COQ10B: variants seen among roughly 807,000 people sequenced by gnomAD.
COQ10B encodes the protein coenzyme Q-binding protein COQ10 homolog B, mitochondrial.
A neutral mutation model predicts 27.6 loss-of-function variants in COQ10B; 12 were observed. The ratio of observed to expected loss-of-function variants is 0.43; its 90% confidence interval spans 0.28 to 0.70. The LOEUF (loss-of-function observed/expected upper bound fraction) is 0.70. Ranked by LOEUF, COQ10B falls within the 30% of genes least tolerant of loss-of-function variation. The pLI is 0.17. For synonymous variants in COQ10B, 115 were observed against 103.0 expected, an observed-to-expected ratio of 1.12 and a Z score of -0.71; for missense variants, 278 against 288.7, an observed-to-expected ratio of 0.96 and a Z score of 0.27.
In COQ10B at chr2:197,473,488, G is replaced by GTATATACGTATA. The variant is rs1331412432; in HGVS notation, c.550-249_550-238dup. 2.8e-5 allele frequency among the ~76,000 whole-genome samples: 3 copies of GTATATACGTATA among 107,420 alleles called. No individual in the cohort carries two copies. In the Admixed American group the frequency reaches 3.5e-4, roughly 13 times the overall value. 70.5% of individuals were successfully genotyped at this position (107,420 alleles called of 152,430 possible). A position where few individuals can be genotyped will look rare whatever the true frequency, so the allele number is the denominator to read the frequency against. On this transcript the variant is annotated intron_variant, in intron 4 of 4. Transcript: ENST00000263960. The stretch of plus-strand genomic sequence containing the variant: ...TATGTATATATACACGTATATATAT[G>GTATATACGTATA]TATATACGTATATATATACGTATAT...
intron 3 of COQ10B, among the ~76,000 whole-genome samples, chr2:197,463,286 A>G (rs2085781069): frequency 8.2e-6 from 1 of 121,572 alleles, no homozygotes; most frequent in Non-Finnish European, 1.9e-5. Flanking sequence ...AGCCTGACCA[A>G]CATGGTGAAA....
chr2:197,472,800 C>A (rs1165887720), intron 4 of COQ10B, among the ~76,000 whole-genome samples: 131 of 95,958 alleles, frequency 1.4e-3, no homozygotes, highest in Middle Eastern at 5.6e-3. Context: ...GGCTCCATCT[C>A]AAAAAAAAAA....
chr2:197,472,168 T>TTGAATGA (rs2085884123), intron 4 of COQ10B, among the ~76,000 whole-genome samples: 4 of 151,968 alleles, frequency 2.6e-5, no homozygotes, highest in African/African-American at 9.7e-5. Context: ...AATTATTTCG[T>TTGAATGA]AATGAAAGAT....
Position 197,474,514 on chromosome 2 carries a change from C to G in COQ10B, c.*590C>G, listed in dbSNP as rs2085929030. 1 of 152,228 alleles carries G rather than the reference C, an allele frequency of 6.6e-6. No homozygotes were observed. The highest frequency in any genetic ancestry group is 2.1e-4 in the South Asian group (1 of 4,824). The allele number at this position is 152,228 out of a possible 1,614,324, so 9.4% of individuals were successfully genotyped here. A position where few individuals can be genotyped will look rare whatever the true frequency, so the allele number is the denominator to read the frequency against. On this transcript the variant is annotated 3_prime_UTR_variant, in exon 5 of 5. Coordinates refer to ENST00000263960, the MANE Select transcript of COQ10B (RefSeq NM_025147.5). ...CAGCCTGGTCAACATGGCGAAACCCCATCTCTACTAAAAATACAAAAATTA... is the reference window on the plus strand; with the variant it reads ...CAGCCTGGTCAACATGGCGAAACCCGATCTCTACTAAAAATACAAAAATTA...
rs1431222669 is a variant in COQ10B at position 197,472,597 on chromosome 2, AGTTTGAGACCAGCCTGGCCAACATGGT to A, written c.550-1158_550-1132del. Among the ~76,000 whole-genome samples, 3 of 152,062 alleles carry A rather than the reference AGTTTGAGACCAGCCTGGCCAACATGGT, an allele frequency of 2.0e-5. No homozygotes were observed. In the East Asian group the frequency reaches 5.8e-4, roughly 29 times the overall value. On this transcript the variant is annotated intron_variant, in intron 4 of 4. Transcript: ENST00000263960. ...GGTGGGTGGATTACCTGAGGTCAGG[AGTTTGAGACCAGCCTGGCCAACATGGT>A]GAAACCCCGTCTCTACTGAAAATAC...
At chr2:197,463,984 TATATATATATATACACACAC>T (rs1696743196) in intron 3 of COQ10B, among the ~76,000 whole-genome samples, 1 of 82,606 alleles carries the variant, frequency 1.2e-5, no homozygotes, top group African/African-American at 4.8e-5. Context: ...TATATATATA[TATATATATATATACACACAC>T]ACACACACAC....
chr2:197,473,413 AAAATATATATATAT>A (rs1207535467), intron 4 of COQ10B, among the ~76,000 whole-genome samples: 46 of 58,636 alleles, frequency 7.8e-4, no homozygotes, highest in African/African-American at 3.1e-3. Flanking sequence ...AAAAAAAAAA[AAAATATATATATAT>A]ATATATATAT....
At chr2:197,465,317 TC>T in intron 3 of COQ10B, among the ~76,000 whole-genome samples, 1 of 150,326 alleles carries the variant, frequency 6.7e-6, no homozygotes. Flanking sequence ...TGAGACAGAG[TC>T]TTGCTCTGTT....
chr2:197,468,819 A>G (rs917252057), intron 3 of COQ10B, among the ~76,000 whole-genome samples: 15 of 152,122 alleles, frequency 9.9e-5, no homozygotes, highest in Non-Finnish European at 2.1e-4. Context: ...TTAGCTGGGC[A>G]TAGTGTCACA....
chr2:197,467,355 T>C (rs74563484), intron 3 of COQ10B, among the ~76,000 whole-genome samples: 25,890 of 151,824 alleles, frequency 0.17, 2,333 homozygotes, highest in Middle Eastern at 0.29. Context: ...AGATGGAGTT[T>C]CACTCTTGTT....
chr2:197,473,527 C>A (rs1483670631), intron 4 of COQ10B, among the ~76,000 whole-genome samples: 1 of 141,138 alleles, frequency 7.1e-6, no homozygotes, highest in Non-Finnish European at 1.5e-5. Context: ...TACACACACA[C>A]ACACACAAAT....
Position 197,465,289 on chromosome 2 carries a change from CTT to C in COQ10B, c.447+2570_447+2571del, listed in dbSNP as rs58319806. ...CTACCTTTCTTCTGTTCCCTGCCGC[CTT>C]TTTTTTTTTTTCCTTTGAGACAGAG... On this transcript the variant is annotated intron_variant, in intron 3 of 4. Coordinates refer to ENST00000263960, the MANE Select transcript of COQ10B (RefSeq NM_025147.5). Among the ~76,000 whole-genome samples, 84 of 143,066 alleles carry C rather than the reference CTT, an allele frequency of 5.9e-4. 2 individuals carry two copies. In the South Asian group the frequency reaches 9.2e-3, roughly 16 times the overall value. 93.9% of individuals were successfully genotyped at this position (143,066 alleles called of 152,430 possible). A position where few individuals can be genotyped will look rare whatever the true frequency, so the allele number is the denominator to read the frequency against.
At position 197,474,561 on chromosome 2, in the gene COQ10B, C is replaced by G. The variant is rs1156565418; in HGVS notation, c.*637C>G. The stretch of plus-strand genomic sequence containing the variant: ...ATTAGCTGGGCGTGGTGGCACACAC[C>G]TGTAATCCCAGTTACTTGGGAGGCT... On this transcript the variant is annotated 3_prime_UTR_variant, in exon 5 of 5. Transcript: ENST00000263960. 6.6e-6 allele frequency: 1 copy of G among 152,210 alleles called. No homozygotes were observed. The highest frequency in any genetic ancestry group is 1.5e-5 in the Non-Finnish European group (1 of 68,080). 9.4% of individuals were successfully genotyped at this position (152,210 alleles called of 1,614,324 possible).
At chr2:197,469,930 T>G (rs2085861827) in intron 3 of COQ10B, 140 bp from the exon 4 acceptor site, 1 of 460,006 alleles carries the variant, frequency 2.2e-6, no homozygotes, top group Non-Finnish European at 3.9e-6. Context: ...AGCTAAAAAT[T>G]AGATATCTTT....
intron 4 of COQ10B, among the ~76,000 whole-genome samples, chr2:197,472,534 T>C (rs534912434): frequency 1.2e-4 from 19 of 152,314 alleles, no homozygotes; most frequent in African/African-American, 4.1e-4. Flanking sequence ...CCGGGCGCAG[T>C]GGCTCATGCC....
chr2:197,457,608 G>A lies in COQ10B; in HGVS notation c.105-2324G>A, dbSNP rs186092962. On this transcript the variant is annotated intron_variant, in intron 1 of 4. Transcript: ENST00000263960. Reference sequence around the variant, plus strand: ...ATAAGTTTACCCATATACAGTTTATGTGTCTTTTCAATTACTTTTTTTTTT... The same window carrying A: ...ATAAGTTTACCCATATACAGTTTATATGTCTTTTCAATTACTTTTTTTTTT... 3.0e-3 allele frequency among the ~76,000 whole-genome samples: 456 copies of A among 151,138 alleles called. 1 individual carries two copies. Among genetic ancestry groups the A allele is most frequent in the Non-Finnish European group, 4.5e-3 (305 of 67,800 alleles).
intron 1 of COQ10B, among the ~76,000 whole-genome samples, chr2:197,456,493 A>ACG (rs1559290582): frequency 1.5e-5 from 2 of 137,000 alleles, no homozygotes; most frequent in Non-Finnish European, 3.2e-5. Flanking sequence ...TGCTGGGCGC[A>ACG]GTGGCTCACG....
intron 1 of COQ10B, chr2:197,454,131 G>T: frequency 6.5e-7 from 1 of 1,550,214 alleles, no homozygotes; most frequent in Non-Finnish European, 8.7e-7. Context: ...CTTTGCCCTC[G>T]CCATTTAGTG....
At chr2:197,457,356 T>C (rs945646309) in intron 1 of COQ10B, among the ~76,000 whole-genome samples, 4 of 152,198 alleles carry the variant, frequency 2.6e-5, no homozygotes, top group African/African-American at 7.2e-5. Context: ...AAATAAATGT[T>C]GAATGTTTGA....
Sources: allele counts gnomAD v4.1 joint callset (sites outside exome capture counted in the v4.1 genomes callset), GRCh38; gene constraint gnomAD v4.1.1; transcripts MANE v1.5; gene names NCBI Gene and HGNC (gene_info 2026-07-23, HGNC 2026-07-21).